ANKS1B: variants seen among roughly 807,000 people sequenced by gnomAD.
The protein encoded by ANKS1B is ankyrin repeat and sterile alpha motif domain-containing protein 1B.
In ANKS1B, 36 loss-of-function variants were observed where a neutral mutation model predicts 148.3. The observed-to-expected ratio is 0.24, with a 90% CI of 0.19 to 0.32. The LOEUF (loss-of-function observed/expected upper bound fraction) is 0.32. Ranked by LOEUF, ANKS1B falls within the 10% of genes least tolerant of loss-of-function variation. The probability of loss-of-function intolerance (pLI) is 1.00; values close to 1 mark genes in which losing one functional copy is unlikely to be tolerated. For synonymous variants in ANKS1B, 542 were observed against 560.8 expected (o/e 0.97, Z 0.47); for missense variants, 1,157 against 1,542.6 (o/e 0.75, Z 4.19).
At chr12:99,665,158 T>C (rs2098499661) in intron 8 of ANKS1B, among the ~76,000 whole-genome samples, 1 of 152,206 alleles carries the variant, frequency 6.6e-6, no homozygotes, top group South Asian at 2.1e-4. Flanking sequence ...GGTCACACGG[T>C]AAATGCATCA....
At chr12:99,519,575 A>G (rs1023534890) in intron 9 of ANKS1B, among the ~76,000 whole-genome samples, 1 of 152,032 alleles carries the variant, frequency 6.6e-6, no homozygotes, top group African/African-American at 2.4e-5. Flanking sequence ...GTGGCTTGGA[A>G]TATCTTTTTC....
intron 19 of ANKS1B, among the ~76,000 whole-genome samples, chr12:98,813,373 A>AT (rs34237643): frequency 2.9e-4 from 40 of 135,646 alleles, no homozygotes; most frequent in Non-Finnish European, 3.6e-4. Flanking sequence ...CACTTCACCT[A>AT]TTTTTTTTTT....
intron 8 of ANKS1B, among the ~76,000 whole-genome samples, chr12:99,656,825 T>C (rs2098452034): frequency 6.6e-6 from 1 of 152,194 alleles, no homozygotes; most frequent in Non-Finnish European, 1.5e-5. Context: ...GAATGTAGCG[T>C]TCAGCACAAC....
At chr12:98,941,947 T>C (rs1346780921) in intron 17 of ANKS1B, among the ~76,000 whole-genome samples, 1 of 152,138 alleles carries the variant, frequency 6.6e-6, no homozygotes, top group Non-Finnish European at 1.5e-5. Flanking sequence ...GCCATAACTT[T>C]GAAATATATT....
At chr12:99,296,371 A>G (rs1051971016) in intron 12 of ANKS1B, among the ~76,000 whole-genome samples, 2 of 152,142 alleles carry the variant, frequency 1.3e-5, no homozygotes, top group East Asian at 3.9e-4. Context: ...TGGGATTTTG[A>G]TTGGGTTGGC....
intron 17 of ANKS1B, among the ~76,000 whole-genome samples, chr12:98,850,491 G>A (rs1472073591): frequency 1.2e-4 from 8 of 67,288 alleles, no homozygotes; most frequent in Non-Finnish European, 2.1e-4. Context: ...TTTTTGAGAC[G>A]GAGTCTCACT....
At chr12:99,175,107 TCAC>T (rs1414129939) in intron 14 of ANKS1B, among the ~76,000 whole-genome samples, 1 of 118,482 alleles carries the variant, frequency 8.4e-6, no homozygotes, top group African/African-American at 2.7e-5. Context: ...AATTGTATAG[TCAC>T]ATGCATTTTG....
Position 98,801,329 on chromosome 12 carries a change from A to G in ANKS1B, c.3142-204T>C, listed in dbSNP as rs1033705955. The stretch of plus-strand genomic sequence containing the variant: ...GGCTGAGTTAATTTTTGAGGTGTGG[A>G]GTTGAATTATTCTATTTTTAGAATG... On this transcript the variant is annotated intron_variant, in intron 20 of 26. Transcript: ENST00000683438. This position sits in a 1 kb window ranked among gnomAD's most constrained non-coding sequence, Gnocchi z 5.2. Among the ~76,000 whole-genome samples the G allele has an allele frequency of 6.6e-6, 1 of 152,230 alleles. No individual in the cohort carries two copies. Among genetic ancestry groups the G allele is most frequent in the African/African-American group, 2.4e-5 (1 of 41,454 alleles).
chr12:99,965,317 C>A (rs983059526), intron 1 of ANKS1B, among the ~76,000 whole-genome samples: 1 of 152,032 alleles, frequency 6.6e-6, no homozygotes, highest in Non-Finnish European at 1.5e-5. Context: ...ATAATTTAAG[C>A]ATCAAAATTA....
At chr12:99,321,667 C>G (rs2085298107) in intron 12 of ANKS1B, among the ~76,000 whole-genome samples, 1 of 152,312 alleles carries the variant, frequency 6.6e-6, no homozygotes, top group Non-Finnish European at 1.5e-5. Context: ...TAAGGCGATG[C>G]CCCGCCCTGC....
intron 14 of ANKS1B, among the ~76,000 whole-genome samples, chr12:99,162,064 A>G (rs1448671721): frequency 6.6e-6 from 1 of 152,236 alleles, no homozygotes; most frequent in Non-Finnish European, 1.5e-5. Flanking sequence ...TGAAAAAAAA[A>G]AGCTAGTTAT....
At chr12:99,063,275 TG>T (rs1938920252) in intron 16 of ANKS1B, among the ~76,000 whole-genome samples, 1 of 152,216 alleles carries the variant, frequency 6.6e-6, no homozygotes, top group South Asian at 2.1e-4. Flanking sequence ...CCCTCTATTC[TG>T]GCTCCTTGTT....
intron 8 of ANKS1B, among the ~76,000 whole-genome samples, chr12:99,693,114 G>A (rs1270858656): frequency 6.6e-6 from 1 of 152,072 alleles, no homozygotes; most frequent in Non-Finnish European, 1.5e-5. Context: ...AAAAAGAGCA[G>A]TCAAGGAGGG....
At chr12:99,542,202 C>T (rs1160789120) in intron 9 of ANKS1B, among the ~76,000 whole-genome samples, 1 of 152,152 alleles carries the variant, frequency 6.6e-6, no homozygotes, top group East Asian at 1.9e-4. Flanking sequence ...AAATAATGGA[C>T]AAGTTCAGCA....
chr12:98,756,175 C>A (rs1002746907), intron 25 of ANKS1B, among the ~76,000 whole-genome samples: 1 of 152,128 alleles, frequency 6.6e-6, no homozygotes, highest in Non-Finnish European at 1.5e-5. Context: ...TCCCATAATT[C>A]CCACGTGTTG....
rs143052748 is a variant in ANKS1B, at chr12:99,948,745, C to T, written c.134+35359G>A. Among the ~76,000 whole-genome samples the T allele has an allele frequency of 9.7e-3, 1,479 of 152,208 alleles. 11 individuals carry two copies. Among genetic ancestry groups the T allele is most frequent in the Middle Eastern group, 0.031 (9 of 294 alleles). ...ACAGATATGAACTAATAAAAATAGACGATGTAACAGAGATTAGGAAACAGG... is the reference window on the plus strand; with the variant it reads ...ACAGATATGAACTAATAAAAATAGATGATGTAACAGAGATTAGGAAACAGG... On this transcript the variant is annotated intron_variant, in intron 1 of 26. Coordinates refer to ENST00000683438, the MANE Select transcript of ANKS1B (RefSeq NM_001352186.2).
At chr12:99,067,867 C>T (rs531966024) in intron 16 of ANKS1B, among the ~76,000 whole-genome samples, 4 of 138,054 alleles carry the variant, frequency 2.9e-5, no homozygotes, top group African/African-American at 5.2e-5. Flanking sequence ...GTTGTATGTG[C>T]GTGTGTGTGC....
chr12:99,277,400 G>A (rs563913047), intron 12 of ANKS1B, among the ~76,000 whole-genome samples: 14 of 152,282 alleles, frequency 9.2e-5, no homozygotes, highest in African/African-American at 2.4e-4. Flanking sequence ...GTGCCACATC[G>A]AAAAATGGCA....
chr12:99,816,840 T>C (rs2069242128), intron 2 of ANKS1B, among the ~76,000 whole-genome samples: 1 of 151,714 alleles, frequency 6.6e-6, no homozygotes, highest in Non-Finnish European at 1.5e-5. Context: ...AAATTTCATA[T>C]ATAATATCTA....
Sources: gnomAD v4.1 joint callset for allele counts (sites outside exome capture counted in the v4.1 genomes callset) on GRCh38, gnomAD v4.1.1 for gene constraint, Gnocchi (gnomAD v3.1) non-coding constraint, MANE v1.5 for transcripts, NCBI Gene and HGNC (gene_info 2026-07-23, HGNC 2026-07-21) for gene names.